HABP2: variants seen among roughly 807,000 people sequenced by gnomAD.
HABP2 encodes hyaluronan binding protein 2, also known as factor VII-activating protease.
Under a neutral mutation model 66.5 loss-of-function variants are expected in HABP2, and 65 were observed. The ratio of observed to expected loss-of-function variants is 0.98; its 90% confidence interval spans 0.80 to 1.20. HABP2 has a LOEUF of 1.20. Among genes scored for constraint, HABP2 ranks in the 50% most tolerant of loss-of-function variants. The pLI is 0.00. For synonymous variants in HABP2, 263 were observed against 253.9 expected (o/e 1.04, Z -0.34); for missense variants, 786 against 691.0 (o/e 1.14, Z -1.54).
intron 1 of HABP2, among the ~76,000 whole-genome samples, chr10:113,563,907 G>C (rs1364546811): frequency 2.0e-5 from 3 of 152,202 alleles, no homozygotes; most frequent in Middle Eastern, 3.2e-3. Context: ...GCAAGGCAGG[G>C]AGCAAAGACC....
chr10:113,564,932 T>C (rs1845170911), intron 1 of HABP2, among the ~76,000 whole-genome samples: 1 of 152,144 alleles, frequency 6.6e-6, no homozygotes, highest in Admixed American at 6.5e-5. Context: ...CTGCAAGCTC[T>C]GCCTCCTGGG....
Position 113,567,622 on chromosome 10 carries a change from CAGGGT to C in HABP2, c.106+98_106+102del. ...AAGTATGGAAGTGTTGGAGGGACCT[CAGGGT>C]TCAACTGGTTCCAGGTTGTCACAGG... On this transcript the variant is annotated intron_variant, in intron 2 of 12. Coordinates refer to ENST00000351270, the MANE Select transcript of HABP2 (RefSeq NM_004132.5). The C allele has an allele frequency of 3.4e-6, 3 of 881,350 alleles. No individual in the cohort carries two copies. The Admixed American group carries it at 5.7e-5, about 17-fold the overall frequency. 54.6% of individuals were successfully genotyped at this position (881,350 alleles called of 1,614,324 possible). A position where few individuals can be genotyped will look rare whatever the true frequency, so the allele number is the denominator to read the frequency against.
chr10:113,571,534 A>G (rs530277046), intron 2 of HABP2, among the ~76,000 whole-genome samples: 2 of 152,124 alleles, frequency 1.3e-5, no homozygotes, highest in East Asian at 3.9e-4. Flanking sequence ...CCCAGAACCA[A>G]GGGGCAGGGA....
intron 5 of HABP2, 57 bp downstream of exon 5, chr10:113,577,323 A>G: frequency 1.1e-6 from 1 of 912,422 alleles, no homozygotes; most frequent in South Asian, 1.3e-5. Context: ...TTGTACCTGC[A>G]CCCTTCTGCA....
rs768351991 is a variant in HABP2, at chr10:113,583,334, G to A, written c.1213G>A (p.Asp405Asn). 3 of 1,613,020 alleles carry A rather than the reference G, an allele frequency of 1.9e-6. No homozygotes were observed. In the Admixed American group the frequency reaches 5.0e-5, roughly 27 times the overall value. ...CAAGTACAGCCACTACAATGAAAGA[G>A]ATGAGATTCCCCACAATGATATTGG... is the stretch of plus-strand genomic sequence containing the variant. Reference protein sequence around the residue: ...IFKYSHYNERDEIPHNDIALL... With the variant: ...IFKYSHYNERNEIPHNDIALL... Residue 405 changes from aspartate to asparagine, a missense_variant, in exon 10 of 13, where the codon GAT becomes AAT. Transcript: ENST00000351270.
At chr10:113,564,878 G>A (rs538483192) in intron 1 of HABP2, among the ~76,000 whole-genome samples, 3 of 150,020 alleles carry the variant, frequency 2.0e-5, no homozygotes, top group Admixed American at 1.3e-4. Context: ...ATGGAGTCTC[G>A]CTCTGTAGCC....
At chr10:113,587,784 C>T (rs1239768697) in intron 12 of HABP2, among the ~76,000 whole-genome samples, 1 of 152,052 alleles carries the variant, frequency 6.6e-6, no homozygotes, top group East Asian at 1.9e-4. Flanking sequence ...GGCCTAAGGT[C>T]ACATGCCTGG....
chr10:113,587,466 A>G (rs989849330), intron 12 of HABP2, among the ~76,000 whole-genome samples: 2 of 152,058 alleles, frequency 1.3e-5, no homozygotes, highest in Non-Finnish European at 2.9e-5. Flanking sequence ...GATGAAAGCA[A>G]TTCTTCAATC....
At position 113,580,796 on chromosome 10, in the gene HABP2, C is replaced by T; in HGVS notation, c.838+104C>T. ...CCTCCCTCACCCTGTTCTTCCTCCACACCTGCTTTACCAATTCCCATCCCA... is the reference window on the plus strand; with the variant it reads ...CCTCCCTCACCCTGTTCTTCCTCCATACCTGCTTTACCAATTCCCATCCCA... On this transcript the variant is annotated intron_variant, in intron 8 of 12. Coordinates refer to ENST00000351270, the MANE Select transcript of HABP2 (RefSeq NM_004132.5). 9.1e-6 allele frequency: 6 copies of T among 662,850 alleles called. No individual in the cohort carries two copies. The South Asian group carries it at 1.1e-4, about 12-fold the overall frequency. The allele number at this position is 662,850 out of a possible 1,614,324, so 41.1% of individuals were successfully genotyped here.
chr10:113,562,548 G>A (rs1381552728), intron 1 of HABP2, among the ~76,000 whole-genome samples: 2 of 150,350 alleles, frequency 1.3e-5, no homozygotes, highest in African/African-American at 2.5e-5. Context: ...AGGTTCAAGC[G>A]ATTCTTGTGC....
chr10:113,585,717 C>A, intron 11 of HABP2, 76 bp from the exon 12 acceptor site: 1 of 1,109,112 alleles, frequency 9.0e-7, no homozygotes, highest in Non-Finnish European at 1.4e-6. Flanking sequence ...TTCTCCCTGA[C>A]AATCTGGTTT....
chr10:113,582,251 G>A lies in HABP2; in HGVS notation c.1094+120G>A. ...ATTAGGGGGTCTGATCTGTTCAAGG[G>A]CAAAAGAAGGGCTCCTGAAAGCCAG... On this transcript the variant is annotated intron_variant, in intron 9 of 12. Coordinates refer to ENST00000351270, the MANE Select transcript of HABP2 (RefSeq NM_004132.5). 4 of 930,632 alleles carry A rather than the reference G, an allele frequency of 4.3e-6. No individual in the cohort carries two copies. The South Asian group carries it at 8.1e-5, about 19-fold the overall frequency. The allele number at this position is 930,632 out of a possible 1,614,324, so 57.6% of individuals were successfully genotyped here.
At position 113,568,453 on chromosome 10, in the gene HABP2, A is replaced by C. The variant is rs369782085; in HGVS notation, c.106+928A>C. On this transcript the variant is annotated intron_variant, in intron 2 of 12. Coordinates refer to ENST00000351270, the MANE Select transcript of HABP2 (RefSeq NM_004132.5). ...AATATTGTCCAGCAGCAAACCCTGG[A>C]TGGGCAGAAAGATGAGGCCAGGTCT... Among the ~76,000 whole-genome samples the C allele has an allele frequency of 3.3e-5, 5 of 152,344 alleles. No homozygotes were observed. In the South Asian group the frequency reaches 1.0e-3, roughly 32 times the overall value.
At chr10:113,559,580 G>A (rs192590184) in intron 1 of HABP2, among the ~76,000 whole-genome samples, 34 of 152,358 alleles carry the variant, frequency 2.2e-4, no homozygotes, top group Non-Finnish European at 4.0e-4. Flanking sequence ...GGAGGAAGAT[G>A]TGTGTTGTGT....
Position 113,571,338 on chromosome 10 carries a change from G to A in HABP2, c.107-2951G>A, listed in dbSNP as rs11575729. 7.3e-3 allele frequency among the ~76,000 whole-genome samples: 1,118 copies of A among 152,312 alleles called. 10 individuals are homozygous for A. Among genetic ancestry groups the A allele is most frequent in the African/African-American group, 0.025 (1,028 of 41,564 alleles). On this transcript the variant is annotated intron_variant, in intron 2 of 12. Coordinates refer to ENST00000351270, the MANE Select transcript of HABP2 (RefSeq NM_004132.5). The stretch of plus-strand genomic sequence containing the variant: ...CTCAGCTAGGACCACTAGGCCAGCC[G>A]TTGTCCACATGTTCTCATTTGCTCT...
chr10:113,562,634 G>A (rs1015021638), intron 1 of HABP2, among the ~76,000 whole-genome samples: 9 of 152,094 alleles, frequency 5.9e-5, no homozygotes, highest in African/African-American at 1.9e-4. Context: ...TAGTAGAGAT[G>A]GGGTTTTGCC....
intron 1 of HABP2, among the ~76,000 whole-genome samples, chr10:113,564,332 A>G (rs974482652): frequency 5.3e-5 from 8 of 152,168 alleles, no homozygotes; most frequent in Admixed American, 4.6e-4. Context: ...GGGTAGGGAC[A>G]CAGCCAAACC....
chr10:113,580,735 T>TGCCAG, intron 8 of HABP2, 43 bp downstream of exon 8: 1 of 965,732 alleles, frequency 1.0e-6, no homozygotes, highest in Non-Finnish European at 1.7e-6. Flanking sequence ...GTGGGGGGGA[T>TGCCAG]GGAGATTTGT....
intron 1 of HABP2, among the ~76,000 whole-genome samples, chr10:113,560,413 C>T (rs560572091): frequency 3.3e-5 from 5 of 152,256 alleles, no homozygotes; most frequent in East Asian, 3.9e-4. Context: ...CCTCAGGCCT[C>T]GCTGGTAGGT....
Sources: gnomAD v4.1 joint callset for allele counts (sites outside exome capture counted in the v4.1 genomes callset) on GRCh38, gnomAD v4.1.1 for gene constraint, MANE v1.5 for transcripts, NCBI Gene and HGNC (gene_info 2026-07-23, HGNC 2026-07-21) for gene names.